Variants in HUNK observed in about 807,000 individuals in gnomAD.
HUNK encodes the protein hormonally up-regulated Neu-associated kinase, also known as hormonally up-regulated neu tumor-associated kinase.
In HUNK, 21 loss-of-function variants were observed where a neutral mutation model predicts 61.0. That is an observed-to-expected ratio of 0.34 (90% confidence interval 0.24 to 0.50). HUNK has a LOEUF of 0.50. Among genes scored for constraint, HUNK ranks in the 20% least tolerant of loss-of-function variants. HUNK has a pLI of 0.98. For missense variants in HUNK, 772 were observed against 945.7 expected (o/e 0.82, Z 2.41); for synonymous variants, 371 against 386.1 (o/e 0.96, Z 0.46).
chr21:31,879,848 A>G (rs1043826719), intron 1 of HUNK, among the ~76,000 whole-genome samples: 1 of 152,178 alleles, frequency 6.6e-6, no homozygotes, highest in African/African-American at 2.4e-5. Context: ...TCGATTATTT[A>G]TGGTAACGGA....
At chr21:31,948,973 G>A (rs2052829556) in intron 4 of HUNK, among the ~76,000 whole-genome samples, 1 of 152,228 alleles carries the variant, frequency 6.6e-6, no homozygotes, top group African/African-American at 2.4e-5. Flanking sequence ...TCAGGAATCA[G>A]CTGCTGCTCC....
intron 1 of HUNK, among the ~76,000 whole-genome samples, chr21:31,913,189 G>A (rs2052557968): frequency 6.6e-6 from 1 of 152,152 alleles, no homozygotes; most frequent in Admixed American, 6.5e-5. Context: ...TGATGGGTGT[G>A]ACAGCTGGAG....
At chr21:31,875,083 T>A (rs2052250151) in intron 1 of HUNK, among the ~76,000 whole-genome samples, 2 of 152,120 alleles carry the variant, frequency 1.3e-5, no homozygotes, top group South Asian at 4.1e-4. Flanking sequence ...GTGTGGTCCG[T>A]GGGTCAGGGA....
chr21:31,936,073 G>C (rs1303740070), intron 2 of HUNK, among the ~76,000 whole-genome samples: 3 of 152,180 alleles, frequency 2.0e-5, no homozygotes, highest in African/African-American at 7.2e-5. Context: ...CTGGGATTAT[G>C]GGTGTGAGCC....
chr21:31,993,753 G>A (rs896110208), intron 9 of HUNK, among the ~76,000 whole-genome samples: 4 of 152,164 alleles, frequency 2.6e-5, no homozygotes, highest in East Asian at 1.9e-4. Flanking sequence ...GAGGAAAGCC[G>A]TGGAAAATAG....
chr21:31,928,396 C>T (rs1411813224), intron 2 of HUNK, among the ~76,000 whole-genome samples: 5 of 152,040 alleles, frequency 3.3e-5, no homozygotes, highest in Non-Finnish European at 2.9e-5. Context: ...AAATCCAATC[C>T]CTCTCAGCGC....
chr21:31,942,079 G>A (rs1268324902), intron 3 of HUNK, among the ~76,000 whole-genome samples: 2 of 152,210 alleles, frequency 1.3e-5, no homozygotes, highest in Non-Finnish European at 2.9e-5. Context: ...GCGTGGTAGC[G>A]TGCGCCTATA....
intron 2 of HUNK, among the ~76,000 whole-genome samples, chr21:31,937,507 T>C (rs2052740448): frequency 6.6e-6 from 1 of 152,224 alleles, no homozygotes; most frequent in Admixed American, 6.5e-5. Context: ...AAGTGCCTCA[T>C]ATGCAAATTT....
At chr21:31,928,605 A>AT (rs1002126674) in intron 2 of HUNK, among the ~76,000 whole-genome samples, 2 of 152,246 alleles carry the variant, frequency 1.3e-5, no homozygotes, top group African/African-American at 2.4e-5. Flanking sequence ...ATTTAGGAAG[A>AT]TTTTTTTCAC....
intron 8 of HUNK, among the ~76,000 whole-genome samples, chr21:31,988,232 A>G (rs1036747470): frequency 6.6e-6 from 1 of 152,198 alleles, no homozygotes; most frequent in African/African-American, 2.4e-5. Context: ...TCTGAAAAAG[A>G]GAACCCCCCA....
At chr21:31,945,584 A>C (rs1054446510) in intron 3 of HUNK, among the ~76,000 whole-genome samples, 5 of 152,312 alleles carry the variant, frequency 3.3e-5, no homozygotes, top group African/African-American at 1.2e-4. Flanking sequence ...ATTGCATGTC[A>C]CTGAGGGTGA....
chr21:31,914,369 T>C (rs924082453), intron 1 of HUNK, among the ~76,000 whole-genome samples: 2 of 124,528 alleles, frequency 1.6e-5, no homozygotes, highest in African/African-American at 6.1e-5. Flanking sequence ...GATCTTGCCA[T>C]TGTACTCCAG....
chr21:31,876,500 T>C (rs996978542), intron 1 of HUNK, among the ~76,000 whole-genome samples: 46 of 152,166 alleles, frequency 3.0e-4, no homozygotes, highest in Non-Finnish European at 2.9e-5. Context: ...CTGAGAAAGA[T>C]TGCTAAATTA....
At chr21:31,997,811 T>C (rs1198858486) in intron 10 of HUNK, among the ~76,000 whole-genome samples, 1 of 152,224 alleles carries the variant, frequency 6.6e-6, no homozygotes, top group Non-Finnish European at 1.5e-5. Context: ...TTGGCAGGAA[T>C]TCAGTCAAGG....
At chr21:31,900,995 TC>T (rs1407249700) in intron 1 of HUNK, among the ~76,000 whole-genome samples, 1 of 152,136 alleles carries the variant, frequency 6.6e-6, no homozygotes, top group Non-Finnish European at 1.5e-5. Context: ...TTCTGGCACT[TC>T]CGTGGCTACT....
At chr21:31,952,850 C>G (rs957473829) in intron 4 of HUNK, among the ~76,000 whole-genome samples, 18 of 151,668 alleles carry the variant, frequency 1.2e-4, no homozygotes, top group African/African-American at 4.1e-4. Flanking sequence ...CTGGAAAAAC[C>G]CCTGGTCGTA....
At chr21:31,991,582 T>C (rs1312868350) in intron 9 of HUNK, among the ~76,000 whole-genome samples, 2 of 152,206 alleles carry the variant, frequency 1.3e-5, no homozygotes, top group African/African-American at 2.4e-5. Flanking sequence ...TTTCTTCTTA[T>C]GTGATGGGTG....
intron 1 of HUNK, among the ~76,000 whole-genome samples, chr21:31,903,697 C>T (rs1043376773): frequency 6.6e-5 from 10 of 152,222 alleles, no homozygotes; most frequent in African/African-American, 2.4e-4. Context: ...AAATTTACCC[C>T]TCCGTTAACG....
intron 7 of HUNK, among the ~76,000 whole-genome samples, chr21:31,981,718 A>G (rs1190885080): frequency 1.3e-5 from 2 of 152,190 alleles, no homozygotes; most frequent in Non-Finnish European, 1.5e-5. Context: ...GCATTCTGCA[A>G]CTTTACTAAA....
Sources: gnomAD v4.1 joint callset for allele counts (sites outside exome capture counted in the v4.1 genomes callset) on GRCh38, gnomAD v4.1.1 for gene constraint, MANE v1.5 for transcripts, NCBI Gene and HGNC (gene_info 2026-07-23, HGNC 2026-07-21) for gene names.